The following NLGN1 variants were observed in gnomAD, a reference collection of about 807,000 sequenced individuals.
The protein encoded by NLGN1 is neuroligin 1.
A neutral mutation model predicts 65.5 loss-of-function variants in NLGN1; 12 were observed. The ratio of observed to expected loss-of-function variants is 0.18; its 90% CI spans 0.12 to 0.30. NLGN1 has a LOEUF of 0.30. NLGN1 is among the 10% of genes least tolerant of loss of function. The pLI is 1.00. For missense variants in NLGN1, 750 were observed against 1,007.1 expected (o/e 0.74, Z 3.46); for synonymous variants, 350 against 359.5 (o/e 0.97, Z 0.30).
exon 7 of NLGN1, chr3:174,282,566 G>A (rs1751665343): frequency 6.6e-6 from 1 of 152,096 alleles, no homozygotes; most frequent in Non-Finnish European, 1.5e-5. Context: ...TCAACATCTG[G>A]AGGATTTTAG....
At chr3:173,453,141 A>T (rs1458839155) in intron 2 of NLGN1, among the ~76,000 whole-genome samples, 3 of 145,814 alleles carry the variant, frequency 2.1e-5, no homozygotes, top group Admixed American at 6.9e-5. Flanking sequence ...TTCTTTTTTC[A>T]TGGGCTGGGG....
Position 174,133,690 on chromosome 3 carries a change from C to T in NLGN1, c.647-141625C>T, listed in dbSNP as rs541698917. 1.9e-3 allele frequency among the ~76,000 whole-genome samples: 290 copies of T among 152,162 alleles called. 2 individuals carry two copies. Among genetic ancestry groups the T allele is most frequent in the Non-Finnish European group, 3.3e-3 (227 of 68,002 alleles). On this transcript the variant is annotated intron_variant, in intron 4 of 6. Coordinates refer to ENST00000457714, the Ensembl canonical transcript of NLGN1. ...TAAGAGCTGAAGATCTTAGTTATTCCTCTGACTGTAAGAGCAAACTCGCAC... is the reference window on the plus strand; with the variant it reads ...TAAGAGCTGAAGATCTTAGTTATTCTTCTGACTGTAAGAGCAAACTCGCAC...
At chr3:173,699,278 C>T (rs1186828044) in intron 3 of NLGN1, among the ~76,000 whole-genome samples, 4 of 152,122 alleles carry the variant, frequency 2.6e-5, no homozygotes, top group African/African-American at 9.7e-5. Context: ...TAAAAGAACA[C>T]AAACTAAATG....
At chr3:173,469,423 A>G (rs916950876) in intron 2 of NLGN1, among the ~76,000 whole-genome samples, 10 of 152,038 alleles carry the variant, frequency 6.6e-5, no homozygotes, top group African/African-American at 1.7e-4. Context: ...AATAGTTCCT[A>G]AGGAAGCAGT....
chr3:173,674,858 A>C (rs965855100), intron 3 of NLGN1, among the ~76,000 whole-genome samples: 1 of 152,032 alleles, frequency 6.6e-6, no homozygotes, highest in African/African-American at 2.4e-5. Flanking sequence ...GCCTACACTA[A>C]GTTTTCTATC....
At chr3:174,079,894 G>T (rs1343855627) in intron 4 of NLGN1, among the ~76,000 whole-genome samples, 1 of 152,010 alleles carries the variant, frequency 6.6e-6, no homozygotes, top group Non-Finnish European at 1.5e-5. Context: ...GAAGGGTGGA[G>T]GATGGAAGGA....
At chr3:174,204,641 T>C (rs1735072793) in intron 4 of NLGN1, among the ~76,000 whole-genome samples, 1 of 152,204 alleles carries the variant, frequency 6.6e-6, no homozygotes, top group Non-Finnish European at 1.5e-5. Context: ...TTAGCAGGAT[T>C]TGTATCTATG....
chr3:173,852,141 G>A (rs1185921503), intron 4 of NLGN1, among the ~76,000 whole-genome samples: 2 of 151,338 alleles, frequency 1.3e-5, no homozygotes, highest in African/African-American at 2.4e-5. Flanking sequence ...CGGATCACGA[G>A]GTCAGGAGAT....
chr3:173,674,448 C>T (rs1040063745), intron 3 of NLGN1, among the ~76,000 whole-genome samples: 1 of 151,994 alleles, frequency 6.6e-6, no homozygotes, highest in African/African-American at 2.4e-5. Context: ...AAAAATTTAG[C>T]CAACATCTGG....
chr3:173,841,405 T>C (rs1724753180), intron 4 of NLGN1, among the ~76,000 whole-genome samples: 1 of 152,148 alleles, frequency 6.6e-6, no homozygotes. Context: ...GTCTTGGCAT[T>C]CATAAAATAT....
Position 173,856,193 on chromosome 3 carries a change from C to T in NLGN1, c.646+48361C>T, listed in dbSNP as rs149038632. Among the ~76,000 whole-genome samples, 88 of 152,226 alleles carry T rather than the reference C, an allele frequency of 5.8e-4. 1 individual carries two copies. The East Asian group carries it at 0.014, about 24-fold the overall frequency. On this transcript the variant is annotated intron_variant, in intron 4 of 6. Coordinates refer to ENST00000457714, the Ensembl canonical transcript of NLGN1. ...AGCCACTTTCTGAATGCTGCAGAGA[C>T]TTCACCTCTAGGGACTGTTGTTGCA...
chr3:174,122,491 C>G (rs556698101), intron 4 of NLGN1, among the ~76,000 whole-genome samples: 1 of 152,298 alleles, frequency 6.6e-6, no homozygotes, highest in African/African-American at 2.4e-5. Context: ...ATCCCTTAGT[C>G]TTTTATTATC....
At chr3:174,222,396 C>T (rs1160863754) in intron 4 of NLGN1, among the ~76,000 whole-genome samples, 1 of 152,042 alleles carries the variant, frequency 6.6e-6, no homozygotes, top group Non-Finnish European at 1.5e-5. Context: ...ATTTGGTAGG[C>T]AAATGTTAAT....
At chr3:173,619,198 C>A (rs982734768) in intron 3 of NLGN1, among the ~76,000 whole-genome samples, 4 of 152,028 alleles carry the variant, frequency 2.6e-5, no homozygotes, top group Non-Finnish European at 5.9e-5. Context: ...TCTGTGCACA[C>A]TGAATAATTA....
intron 4 of NLGN1, among the ~76,000 whole-genome samples, chr3:173,971,791 A>G (rs1385268952): frequency 6.6e-6 from 1 of 152,088 alleles, no homozygotes; most frequent in Non-Finnish European, 1.5e-5. Context: ...GTGACTTTCT[A>G]GAATGTGTCA....
intron 3 of NLGN1, among the ~76,000 whole-genome samples, chr3:173,698,033 GAAA>G (rs35715039): frequency 0.03 from 4,440 of 145,600 alleles, 100 homozygotes; most frequent in Middle Eastern, 0.053. Context: ...CTTAAAAAAT[GAAA>G]AAAAAAAAAA....
intron 3 of NLGN1, among the ~76,000 whole-genome samples, chr3:173,621,377 C>A (rs185523147): frequency 6.6e-6 from 1 of 152,104 alleles, no homozygotes; most frequent in Non-Finnish European, 1.5e-5. Context: ...TTGGTAAAGT[C>A]GGGAGACAGT....
chr3:173,546,449 G>A (rs1739852808), intron 2 of NLGN1, among the ~76,000 whole-genome samples: 1 of 152,076 alleles, frequency 6.6e-6, no homozygotes, highest in South Asian at 2.1e-4. Context: ...TGTGTGAGAT[G>A]GGCAATATAT....
At chr3:174,273,456 T>G (rs1050182009) in intron 4 of NLGN1, among the ~76,000 whole-genome samples, 2 of 151,220 alleles carry the variant, frequency 1.3e-5, no homozygotes, top group African/African-American at 4.9e-5. Flanking sequence ...AACTAATGAC[T>G]CTGTCTTATA....
Sources: gnomAD v4.1 joint callset for allele counts (sites outside exome capture counted in the v4.1 genomes callset) on GRCh38, gnomAD v4.1.1 for gene constraint, MANE v1.5 for transcripts, NCBI Gene and HGNC (gene_info 2026-07-23, HGNC 2026-07-21) for gene names.